The following CRHR2 variants were observed in gnomAD, a reference collection of about 807,000 sequenced individuals.
CRHR2 encodes corticotropin releasing hormone receptor 2, also known as corticotropin-releasing hormone receptor 2.
A neutral mutation model predicts 57.9 loss-of-function variants in CRHR2; 53 were observed. The observed-to-expected ratio is 0.92, with a 90% CI of 0.73 to 1.15. The LOEUF (loss-of-function observed/expected upper bound fraction) is 1.15, where lower values mean the gene tolerates loss of function less well. Ranked by LOEUF, CRHR2 falls within the 50% of genes most tolerant of loss-of-function variation. CRHR2 has a pLI of 0.00. For synonymous variants in CRHR2, 213 were observed against 220.9 expected (o/e 0.96, Z 0.32); for missense variants, 532 against 542.6 (o/e 0.98, Z 0.19).
rs1453460185 is a variant in CRHR2, at chr7:30,682,040, C to T, written c.104G>A (p.Gly35Asp). Residue 35 changes from glycine (G) to aspartate (D), a missense_variant and splice_region_variant, in exon 2 of 12, where the codon GGT becomes GAT. Coordinates refer to ENST00000471646, the MANE Select transcript of CRHR2 (RefSeq NM_001883.5). ...GGTCGTGTTGCAGTAGGAGTAGGGA[C>T]CTGGCGGCGGGAGAGAGCGCAGTAG... is the stretch of plus-strand genomic sequence containing the variant. ...DGWGPPLDPE[G>D]PYSYCNTTLD... 6.3e-7 allele frequency: 1 copy of T among 1,582,856 alleles called. No homozygotes were observed. The highest frequency in any genetic ancestry group is 2.3e-5 in the East Asian group (1 of 43,456).
intron 1 of CRHR2, chr7:30,697,866 A>G (rs937173957): frequency 1.1e-4 from 17 of 152,364 alleles, no homozygotes; most frequent in African/African-American, 3.9e-4. Flanking sequence ...AAGGGCCCTC[A>G]CACCTACACA....
chr7:30,653,515 G>A lies in CRHR2; in HGVS notation c.1181C>T (p.Pro394Leu). 6.2e-7 allele frequency: 1 copy of A among 1,613,632 alleles called. No individual in the cohort carries two copies. The highest frequency in any genetic ancestry group is 8.5e-7 in the Non-Finnish European group (1 of 1,179,966). The part of the protein sequence containing the change: ...RVPMARAMSI[P>L]TSPTRISFHS... The stretch of plus-strand genomic sequence containing the variant: ...GAAGCTGATCCGTGTGGGTGATGTA[G>A]GGATGGACATGGCCCGGGCCATGGG... The change falls in exon 12 of 12, where the codon CCT becomes CTT. Residue 394 changes from proline to leucine, a missense_variant. Coordinates refer to ENST00000471646, the MANE Select transcript of CRHR2 (RefSeq NM_001883.5). This position sits in a 1 kb window ranked among gnomAD's most constrained non-coding sequence, Gnocchi z 5.0.
Position 30,653,568 on chromosome 7 carries a change from G to A in CRHR2, c.1128C>T (p.Arg376=). ...VRSAVRKRWH[R]WQDHHSLRVP... ...CTCGAAGGGAGTGATGGTCCTGCCAGCGGTGCCACCTCTTCCTCACGGCTG... is the reference window on the plus strand; with the variant it reads ...CTCGAAGGGAGTGATGGTCCTGCCAACGGTGCCACCTCTTCCTCACGGCTG... Residue 376 remains arginine (R), a synonymous_variant, in exon 12 of 12, where the codon CGC becomes CGT. Coordinates refer to ENST00000471646, the MANE Select transcript of CRHR2 (RefSeq NM_001883.5). This position sits in a 1 kb window ranked among gnomAD's most constrained non-coding sequence, Gnocchi z 5.0. 6.2e-7 allele frequency: 1 copy of A among 1,612,966 alleles called. No homozygotes were observed. The highest frequency in any genetic ancestry group is 1.3e-5 in the African/African-American group (1 of 74,996).
intron 1 of CRHR2, among the ~76,000 whole-genome samples, chr7:30,695,461 C>T (rs572031600): frequency 1.9e-4 from 29 of 152,122 alleles, no homozygotes; most frequent in Admixed American, 8.5e-4. Context: ...TCTCTCTGAA[C>T]GCCCATGAAT....
chr7:30,651,978 T>C lies in CRHR2; in HGVS notation c.*1482A>G, dbSNP rs1367531571. On this transcript the variant is annotated 3_prime_UTR_variant, in exon 12 of 12. Transcript: ENST00000471646. The stretch of plus-strand genomic sequence containing the variant: ...TTGTTGCAGCAGTTTTATTTAAAAA[T>C]GTAAATATTTACAAAATGGCAGAAA... 6.6e-6 allele frequency: 1 copy of C among 152,200 alleles called. No homozygotes were observed. The highest frequency in any genetic ancestry group is 2.4e-5 in the African/African-American group (1 of 41,444). 9.4% of individuals were successfully genotyped at this position (152,200 alleles called of 1,614,324 possible). A position where few individuals can be genotyped will look rare whatever the true frequency, so the allele number is the denominator to read the frequency against.
At chr7:30,667,097 G>A in intron 3 of CRHR2, 131 bp downstream of exon 3, 1 of 749,496 alleles carries the variant, frequency 1.3e-6, no homozygotes, top group Non-Finnish European at 2.3e-6. Context: ...CTGGGGGCAG[G>A]GGCAGGAGGT....
chr7:30,668,294 GC>G (rs1458725678), intron 2 of CRHR2, among the ~76,000 whole-genome samples: 1 of 152,042 alleles, frequency 6.6e-6, no homozygotes, highest in South Asian at 2.1e-4. Context: ...TCAGGAGGAA[GC>G]CCTCCCACCT....
chr7:30,661,925 C>A (rs1321678898), intron 7 of CRHR2, among the ~76,000 whole-genome samples: 3 of 152,230 alleles, frequency 2.0e-5, no homozygotes, highest in African/African-American at 7.2e-5. Flanking sequence ...TCGGGGGGCA[C>A]TTCAAGGAAC....
intron 8 of CRHR2, among the ~76,000 whole-genome samples, chr7:30,657,657 C>T (rs951110897): frequency 6.6e-6 from 1 of 152,172 alleles, no homozygotes; most frequent in Non-Finnish European, 1.5e-5. Context: ...CTTCCAACAT[C>T]CATCAACCCA....
chr7:30,657,304 C>T (rs1163996853), intron 8 of CRHR2, among the ~76,000 whole-genome samples: 1 of 152,144 alleles, frequency 6.6e-6, no homozygotes, highest in Admixed American at 6.5e-5. Flanking sequence ...AGAGCTCACA[C>T]CCCACCTCAG....
intron 2 of CRHR2, 62 bp downstream of exon 2, chr7:30,681,853 T>G (rs1784718626): frequency 6.5e-7 from 1 of 1,548,136 alleles, no homozygotes; most frequent in South Asian, 1.2e-5. Context: ...TCCTCTTTAC[T>G]CCCTAAACCG....
intron 1 of CRHR2, 46 bp downstream of exon 1, chr7:30,682,132 G>A (rs1262847797): frequency 6.5e-7 from 1 of 1,534,896 alleles, no homozygotes; most frequent in African/African-American, 1.4e-5. Flanking sequence ...CCCAGCGCGC[G>A]AGAGAAGGAG....
chr7:30,682,612 G>C (rs1784763343), upstream of CRHR2: 1 of 751,568 alleles, frequency 1.3e-6, no homozygotes, highest in Middle Eastern at 5.3e-4. Context: ...CCAAAGTACG[G>C]CTTCTCAGTT....
chr7:30,686,589 G>T (rs1204001399), upstream of CRHR2: 2 of 1,423,730 alleles, frequency 1.4e-6, no homozygotes, highest in Non-Finnish European at 1.9e-6. Context: ...TAGGCAGATT[G>T]CTTGAGCACA....
At chr7:30,667,781 A>G (rs1206340491) in intron 2 of CRHR2, among the ~76,000 whole-genome samples, 3 of 152,248 alleles carry the variant, frequency 2.0e-5, no homozygotes, top group South Asian at 2.1e-4. Context: ...TCTAACTGCT[A>G]TGGATATACA....
chr7:30,653,636 G>T lies in CRHR2; in HGVS notation c.1096-36C>A. The T allele has an allele frequency of 6.3e-7, 1 of 1,580,928 alleles. No individual in the cohort carries two copies. Among genetic ancestry groups the T allele is most frequent in the South Asian group, 1.2e-5 (1 of 85,894 alleles). On this transcript the variant is annotated intron_variant, in intron 11 of 11. Transcript: ENST00000471646. The surrounding 1 kb of genome is among the most constrained non-coding windows in gnomAD (Gnocchi z 5.0). ...GGCAGAGGCTCAGCTGGCTCCCAGGGACCAACCCTGGGCTTCTGGGACCAT... is the reference window on the plus strand; with the variant it reads ...GGCAGAGGCTCAGCTGGCTCCCAGGTACCAACCCTGGGCTTCTGGGACCAT...
At chr7:30,688,517 G>A (rs1188430652) in intron 2 of CRHR2, among the ~76,000 whole-genome samples, 1 of 152,214 alleles carries the variant, frequency 6.6e-6, no homozygotes, top group African/African-American at 2.4e-5. Flanking sequence ...TCTCTTTGAC[G>A]CCTGGCTTGG....
At chr7:30,668,058 C>T (rs1030503474) in intron 2 of CRHR2, among the ~76,000 whole-genome samples, 3 of 152,186 alleles carry the variant, frequency 2.0e-5, no homozygotes, top group Admixed American at 1.3e-4. Context: ...GAGGCTACCA[C>T]GAGATGTTTC....
rs1377635101 is a variant in CRHR2, at chr7:30,652,604, C to T, written c.*856G>A. ...CACTTCCAAGAGGCATGGTTTATTTCACAGAGAGCAGAGATGTTTCTGAAG... is the reference window on the plus strand; with the variant it reads ...CACTTCCAAGAGGCATGGTTTATTTTACAGAGAGCAGAGATGTTTCTGAAG... On this transcript the variant is annotated 3_prime_UTR_variant, in exon 12 of 12. Coordinates refer to ENST00000471646, the MANE Select transcript of CRHR2 (RefSeq NM_001883.5). This position sits in a 1 kb window ranked among gnomAD's most constrained non-coding sequence, Gnocchi z 4.4. The T allele has an allele frequency of 6.6e-6, 1 of 152,394 alleles. No individual in the cohort carries two copies. Among genetic ancestry groups the T allele is most frequent in the African/African-American group, 2.4e-5 (1 of 41,466 alleles). The allele number at this position is 152,394 out of a possible 1,614,324, so 9.4% of individuals were successfully genotyped here. A position where few individuals can be genotyped will look rare whatever the true frequency, so the allele number is the denominator to read the frequency against.
Sources: gnomAD v4.1 joint callset for allele counts (sites outside exome capture counted in the v4.1 genomes callset) on GRCh38, gnomAD v4.1.1 for gene constraint, Gnocchi (gnomAD v3.1) non-coding constraint, MANE v1.5 for transcripts, NCBI Gene and HGNC (gene_info 2026-07-23, HGNC 2026-07-21) for gene names.